Variants in ARHGAP20 observed in about 807,000 individuals in gnomAD.
ARHGAP20 encodes the protein rho GTPase-activating protein 20.
In ARHGAP20, 34 loss-of-function variants were observed where a neutral mutation model predicts 73.7. The observed-to-expected ratio is 0.46, with a 90% CI of 0.35 to 0.61. The LOEUF (loss-of-function observed/expected upper bound fraction) is 0.61. Among genes scored for constraint, ARHGAP20 ranks in the 20% least tolerant of loss-of-function variants. ARHGAP20 has a pLI of 0.00. For missense variants in ARHGAP20, 1,314 were observed against 1,420.9 expected, an observed-to-expected ratio of 0.92 and a Z score of 1.21; for synonymous variants, 523 against 518.2, an observed-to-expected ratio of 1.01 and a Z score of -0.13.
intron 5 of ARHGAP20, among the ~76,000 whole-genome samples, chr11:110,615,336 T>A (rs923119637): frequency 6.6e-6 from 1 of 152,138 alleles, no homozygotes; most frequent in Non-Finnish European, 1.5e-5. Context: ...ACCTCAATGT[T>A]CTCCTTCCTA....
At position 110,578,538 on chromosome 11, in the gene ARHGAP20, T is replaced by G; in HGVS notation, c.*832A>C. 1.0e-6 allele frequency: 1 copy of G among 985,410 alleles called. No homozygotes were observed. Among genetic ancestry groups the G allele is most frequent in the Non-Finnish European group, 1.2e-6 (1 of 829,932 alleles). The allele number at this position is 985,410 out of a possible 1,614,324, so 61.0% of individuals were successfully genotyped here. ...TCCTCCATATTGAGAGTGAACGCTG[T>G]CAGGAGGTCACCTTCTAAATAGAAG... On this transcript the variant is annotated 3_prime_UTR_variant, in exon 15 of 15. Transcript: ENST00000683387.
At chr11:110,591,890 T>TG in intron 10 of ARHGAP20, 87 bp downstream of exon 10, 1 of 1,390,932 alleles carries the variant, frequency 7.2e-7, no homozygotes, top group Non-Finnish European at 9.9e-7. Context: ...GTCTATAATT[T>TG]TTCCATTTGG....
chr11:110,586,564 A>G (rs1036944788), intron 11 of ARHGAP20, among the ~76,000 whole-genome samples: 1 of 152,120 alleles, frequency 6.6e-6, no homozygotes, highest in African/African-American at 2.4e-5. Context: ...ATAAAGGACA[A>G]CTCATTTGGC....
intron 4 of ARHGAP20, among the ~76,000 whole-genome samples, chr11:110,622,945 A>G (rs1227620962): frequency 2.0e-5 from 3 of 152,204 alleles, no homozygotes; most frequent in African/African-American, 7.2e-5. Context: ...TCTTAAAAAA[A>G]GAAGTTTCAT....
chr11:110,609,363 C>T (rs188030439), intron 7 of ARHGAP20, among the ~76,000 whole-genome samples: 153 of 152,266 alleles, frequency 1.0e-3, no homozygotes, highest in Non-Finnish European at 1.7e-3. Flanking sequence ...TCCAACATGC[C>T]CCTGCAAAGA....
rs1227345133 is a variant in ARHGAP20, at chr11:110,591,241, A to C, written c.1144-432T>G. Among the ~76,000 whole-genome samples, 5 of 152,162 alleles carry C rather than the reference A, an allele frequency of 3.3e-5. No homozygotes were observed. The East Asian group carries it at 9.6e-4, about 29-fold the overall frequency. On this transcript the variant is annotated intron_variant, in intron 10 of 14. Coordinates refer to ENST00000683387, the MANE Select transcript of ARHGAP20 (RefSeq NM_001384657.1). Reference sequence around the variant, plus strand: ...AAGACAAGCAATCCATGGGATCCAAAACCTAGTTATGCCACTTGGTTACTG... The same window carrying C: ...AAGACAAGCAATCCATGGGATCCAACACCTAGTTATGCCACTTGGTTACTG...
intron 2 of ARHGAP20, among the ~76,000 whole-genome samples, chr11:110,647,426 A>G (rs542661977): frequency 3.1e-4 from 47 of 152,130 alleles, no homozygotes; most frequent in African/African-American, 1.1e-3. Flanking sequence ...AAGGGAAGAT[A>G]GGACAGACAA....
At chr11:110,606,253 G>A (rs1463063360) in intron 9 of ARHGAP20, among the ~76,000 whole-genome samples, 1 of 152,142 alleles carries the variant, frequency 6.6e-6, no homozygotes, top group Non-Finnish European at 1.5e-5. Context: ...GTGTATTACA[G>A]TACAAAGAAG....
intron 2 of ARHGAP20, among the ~76,000 whole-genome samples, chr11:110,637,172 A>G (rs1461304334): frequency 6.6e-6 from 1 of 152,120 alleles, no homozygotes; most frequent in African/African-American, 2.4e-5. Flanking sequence ...TTCATTCTAA[A>G]AATGAGTCCA....
chr11:110,627,470 C>A (rs559515980), intron 3 of ARHGAP20, among the ~76,000 whole-genome samples: 60 of 152,256 alleles, frequency 3.9e-4, no homozygotes, highest in Non-Finnish European at 6.5e-4. Context: ...TCCTATCCTC[C>A]TATCTTCATA....
intron 11 of ARHGAP20, among the ~76,000 whole-genome samples, chr11:110,586,776 T>C (rs78662520): frequency 0.011 from 1,610 of 152,320 alleles, 31 homozygotes; most frequent in African/African-American, 0.037. Context: ...AAGCACTATT[T>C]AAGTTGCTAG....
intron 4 of ARHGAP20, among the ~76,000 whole-genome samples, chr11:110,617,245 C>G (rs1948504098): frequency 6.7e-6 from 1 of 150,120 alleles, no homozygotes; most frequent in Non-Finnish European, 1.5e-5. Context: ...AATTCATTCT[C>G]TTTTATTTTC....
chr11:110,650,487 T>G (rs1286148776), intron 2 of ARHGAP20, among the ~76,000 whole-genome samples: 1 of 152,062 alleles, frequency 6.6e-6, no homozygotes, highest in African/African-American at 2.4e-5. Flanking sequence ...AGTAACCCAA[T>G]GGAATACAGG....
intron 1 of ARHGAP20, among the ~76,000 whole-genome samples, chr11:110,692,824 A>G (rs371050226): frequency 2.8e-4 from 42 of 152,068 alleles, no homozygotes; most frequent in African/African-American, 9.4e-4. Context: ...ATGAGGCAAA[A>G]AGAAATGAGG....
intron 3 of ARHGAP20, among the ~76,000 whole-genome samples, chr11:110,629,207 C>G (rs1176188597): frequency 2.0e-5 from 3 of 152,066 alleles, no homozygotes; most frequent in Non-Finnish European, 4.4e-5. Flanking sequence ...GTACTGTGTG[C>G]TAAAAAATAT....
Position 110,577,398 on chromosome 11 carries a change from G to C in ARHGAP20, c.*1972C>G. On this transcript the variant is annotated 3_prime_UTR_variant, in exon 15 of 15. Transcript: ENST00000683387. ...TAAGGGAACACAGATAGTAGGAATG[G>C]TTATTAAAAAACCTCAGCAACTATT... 8.7e-7 allele frequency: 1 copy of C among 1,145,926 alleles called. No individual in the cohort carries two copies. The highest frequency in any genetic ancestry group is 4.4e-5 in the South Asian group (1 of 22,726). The allele number at this position is 1,145,926 out of a possible 1,614,324, so 71.0% of individuals were successfully genotyped here.
intron 2 of ARHGAP20, among the ~76,000 whole-genome samples, chr11:110,675,362 T>C (rs888786644): frequency 2.0e-5 from 3 of 152,216 alleles, no homozygotes; most frequent in Non-Finnish European, 2.9e-5. Flanking sequence ...CTACACACTT[T>C]GAGCTCTAAC....
At chr11:110,597,109 G>C (rs1356878813) in intron 9 of ARHGAP20, among the ~76,000 whole-genome samples, 1 of 140,846 alleles carries the variant, frequency 7.1e-6, no homozygotes, top group East Asian at 2.3e-4. Flanking sequence ...ATGGACACAG[G>C]AAGGGGAACG....
At chr11:110,698,153 C>T (rs759457932) in intron 1 of ARHGAP20, among the ~76,000 whole-genome samples, 3 of 151,596 alleles carry the variant, frequency 2.0e-5, no homozygotes, top group African/African-American at 7.3e-5. Flanking sequence ...TTACTGAATG[C>T]CTTTTCTGCA....
Sources: allele counts gnomAD v4.1 joint callset (sites outside exome capture counted in the v4.1 genomes callset), GRCh38; gene constraint gnomAD v4.1.1; transcripts MANE v1.5; gene names NCBI Gene and HGNC (gene_info 2026-07-23, HGNC 2026-07-21).